The following MED14 variants were observed in gnomAD, a reference collection of about 807,000 sequenced individuals.
MED14 encodes mediator complex subunit 14.
A neutral mutation model predicts 109.0 loss-of-function variants in MED14; 8 were observed. The observed-to-expected ratio is 0.07, with a 90% CI of 0.04 to 0.13. The LOEUF (loss-of-function observed/expected upper bound fraction) is 0.13, where lower values mean the gene tolerates loss of function less well. MED14 is among the 10% of genes least tolerant of loss of function. The pLI, the probability that MED14 is intolerant of heterozygous loss-of-function variation, is 1.00. For missense variants in MED14, 711 were observed against 1,142.4 expected, an observed-to-expected ratio of 0.62 and a Z score of 5.44; for synonymous variants, 399 against 408.7, an observed-to-expected ratio of 0.98 and a Z score of 0.29.
At chrX:40,656,253 A>G (rs1407743563) in intron 28 of MED14, among the ~76,000 whole-genome samples, 3 of 111,959 alleles carry the variant, frequency 2.7e-5, no homozygotes, top group Non-Finnish European at 3.8e-5. Context: ...TATTTAAAAG[A>G]AAATTTTGCA....
At chrX:40,666,079 C>T (rs901824326) in intron 24 of MED14, among the ~76,000 whole-genome samples, 2 of 111,803 alleles carry the variant, frequency 1.8e-5, no homozygotes, top group East Asian at 5.6e-4. Flanking sequence ...TGGTATCATA[C>T]TCATGATATA....
chrX:40,659,084 A>T (rs1467244193), intron 28 of MED14, 143 bp downstream of exon 28: 11 of 356,899 alleles, frequency 3.1e-5, no homozygotes, highest in Non-Finnish European at 4.3e-5. Flanking sequence ...TTCAAAGATA[A>T]ATAAAATTTA....
chrX:40,729,293 T>C (rs1257473690), intron 2 of MED14, 26 bp downstream of exon 2: 9 of 1,191,228 alleles, frequency 7.6e-6, no homozygotes, highest in African/African-American at 5.3e-5. Flanking sequence ...AAAGAGACTT[T>C]AAGGGTTTTT....
upstream of MED14, chrX:40,735,937 G>A: frequency 4.0e-6 from 1 of 251,502 alleles, no homozygotes; most frequent in Non-Finnish European, 7.5e-6. Context: ...AGTCGTCACC[G>A]GGAACGTCAG....
At chrX:40,704,180 T>TGACA (rs1931050142) in intron 10 of MED14, among the ~76,000 whole-genome samples, 2 of 112,134 alleles carry the variant, frequency 1.8e-5, no homozygotes, top group Non-Finnish European at 3.8e-5. Context: ...TCCCCAAAGC[T>TGACA]GACAATATGC....
At chrX:40,690,498 T>G (rs1038207334) in intron 15 of MED14, among the ~76,000 whole-genome samples, 1 of 110,880 alleles carries the variant, frequency 9.0e-6, no homozygotes, top group Non-Finnish European at 1.9e-5. Context: ...CACTGCAACC[T>G]CCGCCTCCCA....
At chrX:40,732,239 C>G in intron 1 of MED14, among the ~76,000 whole-genome samples, 1 of 112,878 alleles carries the variant, frequency 8.9e-6, no homozygotes, top group East Asian at 2.8e-4. Context: ...GGTTTGGAGG[C>G]TGGGCACAGC....
chrX:40,733,878 G>A (rs1258327644), intron 1 of MED14, among the ~76,000 whole-genome samples: 1 of 111,927 alleles, frequency 8.9e-6, no homozygotes. Flanking sequence ...AGAGGTCTGT[G>A]CTGGAGATAC....
intron 1 of MED14, among the ~76,000 whole-genome samples, chrX:40,730,481 T>G (rs1426878588): frequency 9.0e-6 from 1 of 110,739 alleles, no homozygotes; most frequent in Non-Finnish European, 1.9e-5. Context: ...AGGGGGAGAA[T>G]GAGAACGATG....
chrX:40,668,134 G>C (rs930800683), intron 23 of MED14, among the ~76,000 whole-genome samples: 1 of 111,779 alleles, frequency 8.9e-6, no homozygotes, highest in African/African-American at 3.3e-5. Context: ...TGTAATCCCA[G>C]CACTTTGGGA....
intron 28 of MED14, among the ~76,000 whole-genome samples, chrX:40,658,177 G>A (rs1229060481): frequency 4.6e-5 from 5 of 109,804 alleles, no homozygotes; most frequent in Non-Finnish European, 9.5e-5. Context: ...TGCAACCTCC[G>A]CCTCCCGGGT....
At chrX:40,676,004 T>A (rs1284534374) in intron 21 of MED14, among the ~76,000 whole-genome samples, 1 of 112,214 alleles carries the variant, frequency 8.9e-6, no homozygotes, top group East Asian at 2.8e-4. Context: ...CTATTAATAG[T>A]CCATAGTGGG....
chrX:40,673,086 TCAGGGAGACA>T (rs1257251852), intron 22 of MED14, among the ~76,000 whole-genome samples: 2 of 111,872 alleles, frequency 1.8e-5, no homozygotes, highest in African/African-American at 6.5e-5. Flanking sequence ...AACTGTCTTA[TCAGGGAGACA>T]AATAGTTTAC....
chrX:40,650,655 T>A lies in MED14; in HGVS notation c.*1151A>T. 1 of 754,046 alleles carries A rather than the reference T, an allele frequency of 1.3e-6. No individual in the cohort carries two copies. The highest frequency in any genetic ancestry group is 1.6e-6 in the Non-Finnish European group (1 of 639,306). 62.1% of individuals were successfully genotyped at this position (754,046 alleles called of 1,213,427 possible). On this transcript the variant is annotated 3_prime_UTR_variant, in exon 31 of 31. Coordinates refer to ENST00000324817, the MANE Select transcript of MED14 (RefSeq NM_004229.4). ...GCAGAGATGTATTAATACCAAAAAC[T>A]CCATTTGACCCTGGACAGGCCCAGG... is the stretch of plus-strand genomic sequence containing the variant.
rs1199050260 is a variant in MED14, at chrX:40,649,466, T to C, written c.*2340A>G. On this transcript the variant is annotated 3_prime_UTR_variant, in exon 31 of 31. Transcript: ENST00000324817. Reference sequence around the variant, plus strand: ...AGGTGGCAAATCAGGACCAATTTCTTATTTCAAGGTTAAATTAATACTAAA... The same window carrying C: ...AGGTGGCAAATCAGGACCAATTTCTCATTTCAAGGTTAAATTAATACTAAA... 3 of 348,444 alleles carry C rather than the reference T, an allele frequency of 8.6e-6. No homozygotes were observed. The highest frequency in any genetic ancestry group is 1.2e-5 in the Non-Finnish European group (3 of 248,947). The allele number at this position is 348,444 out of a possible 1,213,427, so 28.7% of individuals were successfully genotyped here.
At chrX:40,653,026 AAGG>A (rs1258868715) in intron 30 of MED14, among the ~76,000 whole-genome samples, 1 of 112,623 alleles carries the variant, frequency 8.9e-6, no homozygotes, top group African/African-American at 3.2e-5. Flanking sequence ...AATTTCTGAA[AAGG>A]AGAAGTATTG....
intron 22 of MED14, among the ~76,000 whole-genome samples, chrX:40,674,833 G>T (rs1327430970): frequency 8.9e-6 from 1 of 112,135 alleles, no homozygotes; most frequent in Non-Finnish European, 1.9e-5. Context: ...CTGAAAATTT[G>T]TCCACCTGTT....
upstream of MED14, chrX:40,735,616 G>A (rs113792260): frequency 4.0e-6 from 2 of 505,232 alleles, no homozygotes; most frequent in South Asian, 2.5e-5. Flanking sequence ...CAGGAGCGAG[G>A]GGCGGGGGGA....
intron 3 of MED14, among the ~76,000 whole-genome samples, chrX:40,723,644 C>G (rs1192796338): frequency 6.9e-5 from 5 of 72,292 alleles, no homozygotes; most frequent in Non-Finnish European, 1.2e-4. Context: ...CCAGCCTGGG[C>G]AACAGAGTGA....
Sources: gnomAD v4.1 joint callset for allele counts (sites outside exome capture counted in the v4.1 genomes callset) on GRCh38, gnomAD v4.1.1 for gene constraint, MANE v1.5 for transcripts, NCBI Gene and HGNC (gene_info 2026-07-23, HGNC 2026-07-21) for gene names.